LRRC56: variants seen among roughly 807,000 people sequenced by gnomAD.
LRRC56 encodes the protein leucine rich repeat containing 56, also known as leucine-rich repeat-containing protein 56.
A neutral mutation model predicts 47.8 loss-of-function variants in LRRC56; 41 were observed. The observed-to-expected ratio is 0.86, with a 90% CI of 0.67 to 1.11. The LOEUF (loss-of-function observed/expected upper bound fraction) is 1.11. Among genes scored for constraint, LRRC56 ranks in the 50% most tolerant of loss-of-function variants. LRRC56 has a pLI of 0.00. For synonymous variants in LRRC56, 387 were observed against 311.2 expected (o/e 1.24, Z -2.56); for missense variants, 759 against 704.2 (o/e 1.08, Z -0.88).
At chr11:517,461 G>T in the LRRC56 span, among the ~76,000 whole-genome samples, 3 of 151,142 alleles carry the variant, frequency 2.0e-5, no homozygotes, top group Non-Finnish European at 4.4e-5. Flanking sequence ...CGCCCCACCT[G>T]GGAAGTGAGG....
At chr11:542,468 C>T (rs1167532060) in intron 5 of LRRC56, among the ~76,000 whole-genome samples, 2 of 149,808 alleles carry the variant, frequency 1.3e-5, no homozygotes, top group Admixed American at 1.4e-4. Context: ...ATTAGACAGG[C>T]ATGATGGCAC....
In LRRC56 at chr11:551,945, G is replaced by T; in HGVS notation, c.1016G>T (p.Arg339Leu). Residue 339 changes from arginine to leucine, a missense_variant, in exon 11 of 14, where the codon CGG becomes CTG. Physicochemically the swap from Arg to Leu is moderately radical, Grantham distance 102. Coordinates refer to ENST00000270115, the MANE Select transcript of LRRC56 (RefSeq NM_198075.4). Reference sequence around the variant, plus strand: ...TGTGGGAACCCCACCAAGGGCCTGCGGGAGCGTAGGCACCAGTGCCAGGTA... The same window carrying T: ...TGTGGGAACCCCACCAAGGGCCTGCTGGAGCGTAGGCACCAGTGCCAGGTA... ...VLCGNPTKGLRERRHQCQARE... is the reference protein window; with the variant it reads ...VLCGNPTKGLLERRHQCQARE... 6.2e-7 allele frequency: 1 copy of T among 1,612,694 alleles called. No individual in the cohort carries two copies. Among genetic ancestry groups the T allele is most frequent in the East Asian group, 2.2e-5 (1 of 44,880 alleles).
the LRRC56 span, among the ~76,000 whole-genome samples, chr11:530,228 C>T: frequency 5.2e-4 from 79 of 152,310 alleles, no homozygotes; most frequent in African/African-American, 1.8e-3. Context: ...TGCCCAGCCC[C>T]GTAATGACCA....
chr11:517,459 C>G, the LRRC56 span, among the ~76,000 whole-genome samples: 1 of 151,854 alleles, frequency 6.6e-6, no homozygotes, highest in Non-Finnish European at 1.5e-5. Context: ...ACCGCCCCAC[C>G]TGGGAAGTGA....
chr11:534,661 C>G, upstream of LRRC56: 2 of 412,684 alleles, frequency 4.8e-6, no homozygotes, highest in East Asian at 4.4e-5. Flanking sequence ...AAATTAGAAG[C>G]TGCTGGGTCG....
chr11:552,222 C>T lies in LRRC56; in HGVS notation c.1171C>T (p.His391Tyr). ...ALAGLRAWRE[H>Y]GVRPLPYRHP... ...GGCTGGGCTCAGGGCCTGGAGGGAA[C>T]ATGGCGTGCGGTGGGTGTCCCTCCA... Residue 391 changes from histidine (H) to tyrosine (Y), a missense_variant, in exon 12 of 14, where the codon CAT becomes TAT. Coordinates refer to ENST00000270115, the MANE Select transcript of LRRC56 (RefSeq NM_198075.4). 4.3e-6 allele frequency: 7 copies of T among 1,610,194 alleles called. No homozygotes were observed. The highest frequency in any genetic ancestry group is 5.9e-6 in the Non-Finnish European group (7 of 1,178,056).
upstream of LRRC56, among the ~76,000 whole-genome samples, chr11:534,957 C>G (rs913965389): frequency 1.3e-5 from 2 of 152,250 alleles, no homozygotes; most frequent in Non-Finnish European, 2.9e-5. Context: ...GAAGCAGGGA[C>G]TGAGCGACAG....
At position 551,660 on chromosome 11, in the gene LRRC56, G is replaced by A. The variant is rs761302768; in HGVS notation, c.806G>A (p.Arg269His). 63 of 1,573,374 alleles carry A rather than the reference G, an allele frequency of 4.0e-5. No individual in the cohort carries two copies. The highest frequency in any genetic ancestry group is 1.7e-4 in the Middle Eastern group (1 of 5,874). Residue 269 changes from arginine to histidine, a missense_variant, in exon 10 of 14, where the codon CGT (arginine) becomes CAT (histidine). Coordinates refer to ENST00000270115, the MANE Select transcript of LRRC56 (RefSeq NM_198075.4). ...GNGLPPLDCP[R>H]GAPIRRLDPE... ...TCTGAACCTCGGGCAGACTGTCCCC[G>A]TGGAGCCCCCATCCGGAGACTTGAC...
chr11:549,825 CT>C, intron 6 of LRRC56, 76 bp from the exon 7 acceptor site: 1 of 1,338,300 alleles, frequency 7.5e-7, no homozygotes, highest in South Asian at 1.2e-5. Flanking sequence ...GCCCCTACCC[CT>C]GAAGACAGCC....
upstream of LRRC56, chr11:532,553 G>C (rs1053388693): frequency 1.4e-4 from 212 of 1,556,250 alleles, no homozygotes; most frequent in Non-Finnish European, 1.8e-4. Flanking sequence ...GCTGCTGACC[G>C]CAGGCCAGGA....
the LRRC56 span, among the ~76,000 whole-genome samples, chr11:511,116 T>C: frequency 6.6e-6 from 1 of 151,620 alleles, no homozygotes. Context: ...GGTCAGGAGA[T>C]CGAGACCATC....
the LRRC56 span, among the ~76,000 whole-genome samples, chr11:524,840 C>A: frequency 6.6e-6 from 1 of 152,090 alleles, no homozygotes; most frequent in Non-Finnish European, 1.5e-5. Context: ...TGCCTGTAAT[C>A]CCAGCACTTT....
chr11:528,215 C>T, the LRRC56 span, among the ~76,000 whole-genome samples: 11 of 152,204 alleles, frequency 7.2e-5, no homozygotes, highest in Admixed American at 6.5e-5. Context: ...ATCGCTGTGG[C>T]GGACTCTCAG....
chr11:534,790 G>C (rs953760762), upstream of LRRC56, among the ~76,000 whole-genome samples: 3 of 152,184 alleles, frequency 2.0e-5, no homozygotes, highest in Non-Finnish European at 4.4e-5. Flanking sequence ...TGCAGGCCCC[G>C]CGGCGCTGGT....
chr11:527,482 C>G, the LRRC56 span, among the ~76,000 whole-genome samples: 1 of 152,136 alleles, frequency 6.6e-6, no homozygotes, highest in Admixed American at 6.6e-5. Flanking sequence ...GTTTGACTGC[C>G]TCACAGCAGA....
the LRRC56 span, among the ~76,000 whole-genome samples, chr11:509,592 G>A: frequency 6.6e-6 from 1 of 152,140 alleles, no homozygotes. Flanking sequence ...CTGTCGCCCA[G>A]GCTGGAGTGC....
chr11:534,922 C>T (rs574860818), upstream of LRRC56, among the ~76,000 whole-genome samples: 1 of 152,372 alleles, frequency 6.6e-6, no homozygotes, highest in South Asian at 2.1e-4. Context: ...CCACAGAAAG[C>T]TGGAGAAGAC....
chr11:551,559 G>A (rs557955498), intron 9 of LRRC56, 92 bp from the exon 10 acceptor site: 2 of 1,347,710 alleles, frequency 1.5e-6, no homozygotes, highest in South Asian at 1.4e-5. Flanking sequence ...AGGCCATGCA[G>A]CATGGGGATT....
the LRRC56 span, among the ~76,000 whole-genome samples, chr11:513,154 C>G: frequency 6.6e-6 from 1 of 152,214 alleles, no homozygotes; most frequent in South Asian, 2.1e-4. Flanking sequence ...TTTTGTTTTT[C>G]TTTCGAGACA....
Sources: gnomAD v4.1 joint callset for allele counts (sites outside exome capture counted in the v4.1 genomes callset) on GRCh38, gnomAD v4.1.1 for gene constraint, MANE v1.5 for transcripts, NCBI Gene and HGNC (gene_info 2026-07-23, HGNC 2026-07-21) for gene names.